The following SNX24 variants were observed in gnomAD, a reference collection of about 807,000 sequenced individuals.
SNX24 encodes the protein sorting nexin-24.
A neutral mutation model predicts 28.7 loss-of-function variants in SNX24; 22 were observed. The ratio of observed to expected loss-of-function variants is 0.77; its 90% CI spans 0.55 to 1.10. SNX24 has a LOEUF of 1.10. Ranked by LOEUF, SNX24 falls within the 50% of genes least tolerant of loss-of-function variation. SNX24 has a pLI of 0.00. For missense variants in SNX24, 221 were observed against 201.1 expected, an observed-to-expected ratio of 1.10 and a Z score of -0.60; for synonymous variants, 69 against 71.5, an observed-to-expected ratio of 0.96 and a Z score of 0.18.
At chr5:122,861,548 C>T (rs13157469) in intron 1 of SNX24, among the ~76,000 whole-genome samples, 3,996 of 152,196 alleles carry the variant, frequency 0.026, 70 homozygotes, top group Non-Finnish European at 0.037. Flanking sequence ...GGAAAACTCT[C>T]AGAGGATTTT....
chr5:122,901,440 G>C (rs1757445134), intron 1 of SNX24, among the ~76,000 whole-genome samples: 2 of 152,182 alleles, frequency 1.3e-5, no homozygotes, highest in South Asian at 4.1e-4. Flanking sequence ...ATGAAAACTA[G>C]GGTATGTTTA....
chr5:122,948,379 C>T (rs1178086745), intron 3 of SNX24, among the ~76,000 whole-genome samples: 3 of 152,152 alleles, frequency 2.0e-5, no homozygotes, highest in Admixed American at 6.5e-5. Flanking sequence ...CAGCAGGTAT[C>T]ATCCTGCCAC....
At chr5:123,021,787 T>C (rs1762766271) in intron 5 of SNX24, among the ~76,000 whole-genome samples, 1 of 152,046 alleles carries the variant, frequency 6.6e-6, no homozygotes, top group African/African-American at 2.4e-5. Context: ...CGCGCCCCTA[T>C]CCCGCTCCCC....
chr5:122,886,342 G>A (rs767559437), intron 1 of SNX24, among the ~76,000 whole-genome samples: 26 of 151,992 alleles, frequency 1.7e-4, no homozygotes, highest in Non-Finnish European at 3.4e-4. Flanking sequence ...CTTAATTTGT[G>A]TTTTCTGTTT....
chr5:122,858,073 T>G (rs1201023651), intron 1 of SNX24, among the ~76,000 whole-genome samples: 1 of 152,176 alleles, frequency 6.6e-6, no homozygotes, highest in Non-Finnish European at 1.5e-5. Flanking sequence ...TTTTCTTTAT[T>G]TAGTCTTCCT....
At chr5:122,879,988 A>G (rs1476636122) in intron 1 of SNX24, among the ~76,000 whole-genome samples, 1 of 152,224 alleles carries the variant, frequency 6.6e-6, no homozygotes, top group East Asian at 1.9e-4. Context: ...AGTGTTAATT[A>G]CCATTGTAGA....
intron 1 of SNX24, among the ~76,000 whole-genome samples, chr5:122,900,336 C>T (rs1757380649): frequency 6.6e-6 from 1 of 152,172 alleles, no homozygotes; most frequent in Admixed American, 6.5e-5. Flanking sequence ...GTGTGTGTAG[C>T]AGCAATTTTT....
chr5:122,857,267 C>T (rs904471644), intron 1 of SNX24, among the ~76,000 whole-genome samples: 5 of 152,156 alleles, frequency 3.3e-5, no homozygotes, highest in Non-Finnish European at 7.4e-5. Context: ...CTGCCTCAGC[C>T]TCCCAAAGTG....
intron 1 of SNX24, among the ~76,000 whole-genome samples, chr5:122,883,417 C>T (rs187144324): frequency 6.6e-6 from 1 of 152,190 alleles, no homozygotes; most frequent in East Asian, 1.9e-4. Context: ...ATTTATTGAA[C>T]AGAAATGAAC....
intron 5 of SNX24, among the ~76,000 whole-genome samples, chr5:123,020,234 TAAAG>T (rs1178611112): frequency 6.6e-6 from 1 of 152,194 alleles, no homozygotes. Flanking sequence ...TATTTAAAAT[TAAAG>T]AGAATTGTTT....
At chr5:122,848,374 G>C (rs1174879314) in intron 1 of SNX24, among the ~76,000 whole-genome samples, 1 of 152,090 alleles carries the variant, frequency 6.6e-6, no homozygotes, top group Non-Finnish European at 1.5e-5. Context: ...GGGATTATAG[G>C]CGCGGGCCAC....
At chr5:122,939,411 C>T (rs1490778551) in intron 2 of SNX24, among the ~76,000 whole-genome samples, 1 of 152,140 alleles carries the variant, frequency 6.6e-6, no homozygotes, top group Non-Finnish European at 1.5e-5. Context: ...CATTTATCTG[C>T]TAGTGTCTAG....
intron 1 of SNX24, among the ~76,000 whole-genome samples, chr5:122,893,862 G>A (rs1757087570): frequency 6.6e-6 from 1 of 152,162 alleles, no homozygotes. Flanking sequence ...GGCCAAAAAT[G>A]TTGAAACCCT....
intron 1 of SNX24, chr5:122,891,007 T>G (rs896617537): frequency 6.9e-7 from 1 of 1,449,966 alleles, no homozygotes; most frequent in Non-Finnish European, 9.1e-7. Flanking sequence ...CCAAAGCCTC[T>G]TTTCTGTCTT....
chr5:122,878,271 G>A (rs909425081), intron 1 of SNX24, among the ~76,000 whole-genome samples: 1 of 152,254 alleles, frequency 6.6e-6, no homozygotes, highest in African/African-American at 2.4e-5. Flanking sequence ...GAGGCCTGTT[G>A]TGTGGTTCTG....
At chr5:122,852,535 A>G (rs189533784) in intron 1 of SNX24, among the ~76,000 whole-genome samples, 1 of 151,916 alleles carries the variant, frequency 6.6e-6, no homozygotes, top group East Asian at 1.9e-4. Context: ...TAGAGATAGA[A>G]TTTCACCATG....
chr5:122,851,801 C>G (rs1754931297), intron 1 of SNX24, among the ~76,000 whole-genome samples: 1 of 151,946 alleles, frequency 6.6e-6, no homozygotes, highest in South Asian at 2.1e-4. Context: ...TTCACTACAC[C>G]TCAGTCCCTG....
intron 6 of SNX24, among the ~76,000 whole-genome samples, chr5:123,006,953 G>A (rs1311380278): frequency 6.6e-6 from 1 of 152,090 alleles, no homozygotes; most frequent in African/African-American, 2.4e-5. Context: ...GATAGTTCCT[G>A]GATATCATTA....
chr5:122,933,892 C>T (rs1759071344), intron 1 of SNX24, among the ~76,000 whole-genome samples: 1 of 151,872 alleles, frequency 6.6e-6, no homozygotes, highest in Non-Finnish European at 1.5e-5. Context: ...AAGCGATTCT[C>T]CTGCCTCAGC....
Sources: gnomAD v4.1 joint callset for allele counts (sites outside exome capture counted in the v4.1 genomes callset) on GRCh38, gnomAD v4.1.1 for gene constraint, MANE v1.5 for transcripts, NCBI Gene and HGNC (gene_info 2026-07-23, HGNC 2026-07-21) for gene names.